Variants in VPS33B observed in about 807,000 individuals in gnomAD.
The protein encoded by VPS33B is vacuolar protein sorting-associated protein 33B.
In VPS33B, 80 loss-of-function variants were observed where a neutral mutation model predicts 95.3. That is an observed-to-expected ratio of 0.84 (90% CI 0.70 to 1.01). The LOEUF (loss-of-function observed/expected upper bound fraction) is 1.01. VPS33B is among the 50% of genes least tolerant of loss of function. The pLI is 0.00. For missense variants in VPS33B, 715 were observed against 773.4 expected, an observed-to-expected ratio of 0.92 and a Z score of 0.90; for synonymous variants, 280 against 280.4, an observed-to-expected ratio of 1.00 and a Z score of 0.01.
At position 91,017,863 on chromosome 15, in the gene VPS33B, A is replaced by G; in HGVS notation, c.119T>C (p.Phe40Ser). ...LEQLPGKKDL[F>S]IEADLMSPLD... ...AGGGCTCATGAGATCTGCCTCAATG[A>G]ATAAATCCTTTTTTCCAGGAAGCTG... The change falls in exon 2 of 23, where the codon TTC (phenylalanine) becomes TCC (serine). Residue 40 changes from phenylalanine (F) to serine (S), a missense_variant. Physicochemically the swap from Phe to Ser is radical, Grantham distance 155. Transcript: ENST00000333371. 6.2e-7 allele frequency: 1 copy of G among 1,614,140 alleles called. No individual in the cohort carries two copies.
chr15:91,022,287 C>T lies in VPS33B; in HGVS notation c.-38G>A, dbSNP rs2041128188. 35 of 1,520,658 alleles carry T rather than the reference C, an allele frequency of 2.3e-5. No homozygotes were observed. The highest frequency in any genetic ancestry group is 2.9e-5 in the Non-Finnish European group (33 of 1,126,350). The allele number at this position is 1,520,658 out of a possible 1,614,324, so 94.2% of individuals were successfully genotyped here. A position where few individuals can be genotyped will look rare whatever the true frequency, so the allele number is the denominator to read the frequency against. On this transcript the variant is annotated 5_prime_UTR_variant, in exon 1 of 23. Coordinates refer to ENST00000333371, the MANE Select transcript of VPS33B (RefSeq NM_018668.5). Reference sequence around the variant, plus strand: ...CTGCGCCGCGGGGTGGAAGGACGCCCTTCGTTCTGAGAAGGCCGGCCGCAG... The same window carrying T: ...CTGCGCCGCGGGGTGGAAGGACGCCTTTCGTTCTGAGAAGGCCGGCCGCAG...
At chr15:91,017,275 C>CACG (rs1165763576) in intron 2 of VPS33B, among the ~76,000 whole-genome samples, 2 of 148,398 alleles carry the variant, frequency 1.3e-5, no homozygotes, top group African/African-American at 5.0e-5. Context: ...GTAATCCCAG[C>CACG]ACGTTGGGAG....
intron 4 of VPS33B, 58 bp downstream of exon 4, chr15:91,014,326 G>T: frequency 6.4e-7 from 1 of 1,574,240 alleles, no homozygotes; most frequent in Non-Finnish European, 8.7e-7. Flanking sequence ...TATGGCCAAG[G>T]CCCTTAGATT....
Position 91,011,691 on chromosome 15 carries a change from T to C in VPS33B, c.358-1845A>G, listed in dbSNP as rs1212015540. 6.6e-6 allele frequency among the ~76,000 whole-genome samples: 1 copy of C among 152,198 alleles called. No homozygotes were observed. Among genetic ancestry groups the C allele is most frequent in the African/African-American group, 2.4e-5 (1 of 41,454 alleles). On this transcript the variant is annotated intron_variant, in intron 5 of 22. Transcript: ENST00000333371. The surrounding 1 kb of genome is among the most constrained non-coding windows in gnomAD (Gnocchi z 5.5). ...AACTTGTAGGATTATTCCCTGTTAATACAAATCTGTCCTTGGCCAGGCGCA... is the reference window on the plus strand; with the variant it reads ...AACTTGTAGGATTATTCCCTGTTAACACAAATCTGTCCTTGGCCAGGCGCA...
chr15:91,018,162 G>C lies in VPS33B; in HGVS notation c.97-277C>G, dbSNP rs2040996735. The C allele has an allele frequency of 2.2e-6, 1 of 455,744 alleles. No homozygotes were observed. The highest frequency in any genetic ancestry group is 4.1e-6 in the Non-Finnish European group (1 of 244,918). 28.2% of individuals were successfully genotyped at this position (455,744 alleles called of 1,614,324 possible). On this transcript the variant is annotated intron_variant, in intron 1 of 22. Transcript: ENST00000333371. The surrounding 1 kb of genome is among the most constrained non-coding windows in gnomAD (Gnocchi z 4.7). The stretch of plus-strand genomic sequence containing the variant: ...TCACTCAACCCTTCTGCTCACCTGT[G>C]ACCTTGGTCTGCACCTCACTCCCCT...
Position 91,017,367 on chromosome 15 carries a change from AATATATATATATATATATATATATATAT to A in VPS33B, c.178-371_178-344del, listed in dbSNP as rs1159663715. ...ACAAGACTCCATCTCTACAAAATTA[AATATATATATATATATATATATATATAT>A]ATATATATATATATATATATATATA... On this transcript the variant is annotated intron_variant, in intron 2 of 22. Coordinates refer to ENST00000333371, the MANE Select transcript of VPS33B (RefSeq NM_018668.5). 2.8e-3 allele frequency among the ~76,000 whole-genome samples: 45 copies of A among 15,852 alleles called. 1 individual carries two copies. Among genetic ancestry groups the A allele is most frequent in the Non-Finnish European group, 4.4e-3 (39 of 8,770 alleles). The allele number at this position is 15,852 out of a possible 152,430, so 10.4% of individuals were successfully genotyped here.
chr15:91,008,251 T>G (rs1231766679), intron 6 of VPS33B, among the ~76,000 whole-genome samples: 1 of 152,154 alleles, frequency 6.6e-6, no homozygotes, highest in Admixed American at 6.5e-5. Context: ...CGAGAAAACA[T>G]TCATTCATTC....
At chr15:91,012,917 G>A (rs748136654) in intron 5 of VPS33B, among the ~76,000 whole-genome samples, 1 of 152,240 alleles carries the variant, frequency 6.6e-6, no homozygotes, top group Non-Finnish European at 1.5e-5. Context: ...TTGGGGTGGA[G>A]TAAAACAGTC....
At chr15:91,014,219 C>CAAAAA (rs61232231) in intron 4 of VPS33B, among the ~76,000 whole-genome samples, 165 bp downstream of exon 4, 10 of 59,544 alleles carry the variant, frequency 1.7e-4, no homozygotes, top group African/African-American at 3.4e-4. Context: ...AACTCCGTCT[C>CAAAAA]AAAAAAAAAA....
At position 91,005,402 on chromosome 15, in the gene VPS33B, C is replaced by T; in HGVS notation, c.1083G>A (p.Gln361=). 1.2e-6 allele frequency: 2 copies of T among 1,614,132 alleles called. No individual in the cohort carries two copies. The highest frequency in any genetic ancestry group is 1.7e-6 in the Non-Finnish European group (2 of 1,180,030). The part of the protein sequence containing the change: ...IMKKKTKQDF[Q]ELIKTEHALL... ...TACCATGCTCAGTCTTGATTAGCTC[C>T]TGGAAATCCTGCTTGGTTTTCTTCT... Residue 361 remains glutamine, a synonymous_variant, in exon 14 of 23, where the codon CAG becomes CAA. Coordinates refer to ENST00000333371, the MANE Select transcript of VPS33B (RefSeq NM_018668.5). This position sits in a 1 kb window ranked among gnomAD's most constrained non-coding sequence, Gnocchi z 6.4.
rs891652849 is a variant in VPS33B, at chr15:91,002,651, A to G, written c.1272+434T>C. On this transcript the variant is annotated intron_variant, in intron 17 of 22. Coordinates refer to ENST00000333371, the MANE Select transcript of VPS33B (RefSeq NM_018668.5). This position sits in a 1 kb window ranked among gnomAD's most constrained non-coding sequence, Gnocchi z 4.7. Reference sequence around the variant, plus strand: ...TCTCGAAATAAAAAAAAAAAAAAAAAGAAAAGAAATAATTAGCACCAAACA... The same window carrying G: ...TCTCGAAATAAAAAAAAAAAAAAAAGGAAAAGAAATAATTAGCACCAAACA... Among the ~76,000 whole-genome samples the G allele has an allele frequency of 1.3e-5, 2 of 151,140 alleles. No homozygotes were observed. The highest frequency in any genetic ancestry group is 4.9e-5 in the African/African-American group (2 of 41,132).
rs1192049524 is a variant in VPS33B, at chr15:91,007,450, G to A, written c.603+19C>T. 3 of 1,609,778 alleles carry A rather than the reference G, an allele frequency of 1.9e-6. No homozygotes were observed. The highest frequency in any genetic ancestry group is 2.7e-5 in the African/African-American group (2 of 74,852). On this transcript the variant is annotated intron_variant, in intron 8 of 22. Transcript: ENST00000333371. The surrounding 1 kb of genome is among the most constrained non-coding windows in gnomAD (Gnocchi z 5.3). ...GAAAACAGCGTCTGCTGGGACAACA[G>A]TACTGCTAGTGCTCTTACCTTGGCG...
Position 91,003,428 on chromosome 15 carries a change from G to A in VPS33B, c.1226-297C>T, listed in dbSNP as rs191097373. 1.6e-3 allele frequency among the ~76,000 whole-genome samples: 245 copies of A among 152,020 alleles called. 1 individual carries two copies. Among genetic ancestry groups the A allele is most frequent in the Non-Finnish European group, 2.2e-3 (148 of 67,952 alleles). ...TGCAGCAGGAGGGAGGAGAAGTGAC[G>A]ACTCATGCATTTATTTATTTATTTA... On this transcript the variant is annotated intron_variant, in intron 16 of 22. Coordinates refer to ENST00000333371, the MANE Select transcript of VPS33B (RefSeq NM_018668.5).
Position 91,005,908 on chromosome 15 carries a change from C to G in VPS33B, c.939+65G>C, listed in dbSNP as rs1299792384. On this transcript the variant is annotated intron_variant, in intron 12 of 22. Transcript: ENST00000333371. The surrounding 1 kb of genome is among the most constrained non-coding windows in gnomAD (Gnocchi z 6.4). Reference sequence around the variant, plus strand: ...CTGTCATAGTATTAGAAGGGGAGCCCAAGGGCAGCAGCCTTGGGAAGCCAC... The same window carrying G: ...CTGTCATAGTATTAGAAGGGGAGCCGAAGGGCAGCAGCCTTGGGAAGCCAC... 32 of 1,607,872 alleles carry G rather than the reference C, an allele frequency of 2.0e-5. No individual in the cohort carries two copies. In the Admixed American group the frequency reaches 5.4e-4, roughly 27 times the overall value.
chr15:91,002,132 C>T lies in VPS33B; in HGVS notation c.1323G>A (p.Gly441=). Residue 441 remains glycine, a synonymous_variant, in exon 18 of 23, where the codon GGG becomes GGA. Transcript: ENST00000333371. The surrounding 1 kb of genome is among the most constrained non-coding windows in gnomAD (Gnocchi z 4.7). ...LLTFSNLRRA[G]LLTEQAPGDT... ...CCCCGGGGGCCTGCTCCGTTAGGAG[C>T]CCAGCTCTTCGCAGATTGGAGAAGG... The T allele has an allele frequency of 6.2e-7, 1 of 1,614,180 alleles. No homozygotes were observed. Among genetic ancestry groups the T allele is most frequent in the Non-Finnish European group, 8.5e-7 (1 of 1,180,028 alleles).
intron 1 of VPS33B, among the ~76,000 whole-genome samples, chr15:91,019,149 GT>G (rs2041033715): frequency 9.5e-6 from 1 of 105,094 alleles, no homozygotes; most frequent in Admixed American, 1.4e-4. Context: ...TAAAGATAGA[GT>G]CTTACTCTGT....
chr15:90,999,107 C>T lies in VPS33B; in HGVS notation c.1775-53G>A, dbSNP rs3743449. 0.11 allele frequency: 170,265 copies of T among 1,573,576 alleles called. 15,305 individuals carry two copies. Among genetic ancestry groups the T allele is most frequent in the East Asian group, 0.5 (22,080 of 44,532 alleles). Reference sequence around the variant, plus strand: ...AGACAGCACAGATCTTAGGCCCCAACGGCAACCCATAGAGCCTCTCCAGTT... The same window carrying T: ...AGACAGCACAGATCTTAGGCCCCAATGGCAACCCATAGAGCCTCTCCAGTT... On this transcript the variant is annotated intron_variant, in intron 22 of 22. Transcript: ENST00000333371. This position sits in a 1 kb window ranked among gnomAD's most constrained non-coding sequence, Gnocchi z 5.1.
Position 91,006,837 on chromosome 15 carries a change from T to C in VPS33B, c.701-108A>G. 2.5e-6 allele frequency: 4 copies of C among 1,587,268 alleles called. No individual in the cohort carries two copies. Among genetic ancestry groups the C allele is most frequent in the Middle Eastern group, 1.7e-4 (1 of 6,032 alleles). On this transcript the variant is annotated intron_variant, in intron 9 of 22. Coordinates refer to ENST00000333371, the MANE Select transcript of VPS33B (RefSeq NM_018668.5). The surrounding 1 kb of genome is among the most constrained non-coding windows in gnomAD (Gnocchi z 5.4). Reference sequence around the variant, plus strand: ...CCATAGGGCCAAGGACCCACGCTCCTCAAAGCTGGGATTCACAGCCCTAAC... The same window carrying C: ...CCATAGGGCCAAGGACCCACGCTCCCCAAAGCTGGGATTCACAGCCCTAAC...
Position 91,022,578 on chromosome 15 carries a change from G to T in VPS33B, c.-329C>A. On this transcript the variant is annotated 5_prime_UTR_variant, in exon 1 of 23. The change creates a new upstream start codon in the 5' untranslated region. Transcript: ENST00000333371. Reference sequence around the variant, plus strand: ...ACGAGGAGAACCCCGCCTTCTACCAGAAAAAGAAGCGACTTCCTAGATCTC... The same window carrying T: ...ACGAGGAGAACCCCGCCTTCTACCATAAAAAGAAGCGACTTCCTAGATCTC... The T allele has an allele frequency of 2.9e-5, 6 of 206,160 alleles. No individual in the cohort carries two copies. Among genetic ancestry groups the T allele is most frequent in the Admixed American group, 5.9e-5 (1 of 16,814 alleles). The allele number at this position is 206,160 out of a possible 1,614,324, so 12.8% of individuals were successfully genotyped here. A position where few individuals can be genotyped will look rare whatever the true frequency, so the allele number is the denominator to read the frequency against.
Sources: gnomAD v4.1 joint callset for allele counts (sites outside exome capture counted in the v4.1 genomes callset) on GRCh38, gnomAD v4.1.1 for gene constraint, Gnocchi (gnomAD v3.1) non-coding constraint, MANE v1.5 for transcripts, NCBI Gene and HGNC (gene_info 2026-07-23, HGNC 2026-07-21) for gene names.